Variants in GRIA4 observed in about 807,000 individuals in gnomAD.
The protein encoded by GRIA4 is glutamate receptor 4.
In GRIA4, 34 loss-of-function variants were observed where a neutral mutation model predicts 104.0. The ratio of observed to expected loss-of-function variants is 0.33; its 90% CI spans 0.25 to 0.44. The LOEUF is 0.44. GRIA4 is among the 20% of genes least tolerant of loss of function. GRIA4 has a pLI of 1.00. For synonymous variants in GRIA4, 386 were observed against 381.9 expected (o/e 1.01, Z -0.13); for missense variants, 750 against 1,096.5 (o/e 0.68, Z 4.46).
chr11:105,629,228 G>C (rs1950968751), intron 3 of GRIA4, among the ~76,000 whole-genome samples: 1 of 151,278 alleles, frequency 6.6e-6, no homozygotes, highest in Non-Finnish European at 1.5e-5. Flanking sequence ...GTAAGACACT[G>C]TCTCTAAGAA....
chr11:105,851,729 T>A (rs1433583620), intron 4 of GRIA4, among the ~76,000 whole-genome samples: 1 of 152,168 alleles, frequency 6.6e-6, no homozygotes, highest in African/African-American at 2.4e-5. Flanking sequence ...GGCGCATACC[T>A]AAGAGACACA....
chr11:105,789,580 T>C (rs1942126573), intron 4 of GRIA4, among the ~76,000 whole-genome samples: 1 of 152,144 alleles, frequency 6.6e-6, no homozygotes, highest in African/African-American at 2.4e-5. Flanking sequence ...TGAAGGGCCT[T>C]TAATTAAAGT....
chr11:105,625,179 G>C (rs952644046), intron 3 of GRIA4, among the ~76,000 whole-genome samples: 1 of 152,024 alleles, frequency 6.6e-6, no homozygotes, highest in Non-Finnish European at 1.5e-5. Flanking sequence ...TGTCAACACT[G>C]TTAGACTGTG....
chr11:105,924,520 A>G lies in GRIA4; in HGVS notation c.1598A>G (p.Lys533Arg). ...SIMIKKPQKS[K>R]PGVFSFLDPL... ...ATGATCAAAAAGCCTCAGAAATCCA[A>G]ACCAGGAGTGTTTTCCTTCTTGGAT... The change falls in exon 12 of 17, where the codon AAA becomes AGA. Residue 533 changes from lysine (K) to arginine (R), a missense_variant. By Grantham distance (26) the Lys-to-Arg change is conservative (BLOSUM62 2). Coordinates refer to ENST00000282499, the MANE Select transcript of GRIA4 (RefSeq NM_000829.4). The G allele has an allele frequency of 6.2e-7, 1 of 1,613,346 alleles. No individual in the cohort carries two copies. The highest frequency in any genetic ancestry group is 8.5e-7 in the Non-Finnish European group (1 of 1,179,470).
At chr11:105,776,970 C>G (rs192300428) in intron 4 of GRIA4, among the ~76,000 whole-genome samples, 6 of 152,132 alleles carry the variant, frequency 3.9e-5, no homozygotes, top group Non-Finnish European at 4.4e-5. Context: ...TTCCCTTGGC[C>G]CTGCATGCAC....
chr11:105,717,479 T>C (rs1188323608), intron 3 of GRIA4, among the ~76,000 whole-genome samples: 1 of 152,122 alleles, frequency 6.6e-6, no homozygotes, highest in African/African-American at 2.4e-5. Context: ...TGAGACTCTT[T>C]AATTAATCCC....
At chr11:105,904,014 T>G in intron 8 of GRIA4, 33 bp downstream of exon 8, 1 of 1,452,484 alleles carries the variant, frequency 6.9e-7, no homozygotes. Context: ...TTCAATTCAT[T>G]TCATGGTCTT....
At chr11:105,794,085 T>C (rs1399213488) in intron 4 of GRIA4, among the ~76,000 whole-genome samples, 1 of 152,124 alleles carries the variant, frequency 6.6e-6, no homozygotes, top group East Asian at 1.9e-4. Context: ...CTAGGAGCCA[T>C]AAATGTAGTC....
In GRIA4 at chr11:105,981,592, A is replaced by ACACACACACACAC. The variant is rs765255898; in HGVS notation, c.*1853_*1854insCACACACACACAC. On this transcript the variant is annotated 3_prime_UTR_variant, in exon 17 of 17. Coordinates refer to ENST00000282499, the MANE Select transcript of GRIA4 (RefSeq NM_000829.4). ...ACACACACACACACACACACACACA[A>ACACACACACACAC]GTCCCTCAGGAAAAATTCCAAGCTC... 243 of 46,162 alleles carry ACACACACACACAC rather than the reference A, an allele frequency of 5.3e-3. 2 individuals carry two copies. The highest frequency in any genetic ancestry group is 0.016 in the African/African-American group (223 of 14,246). The allele number at this position is 46,162 out of a possible 1,614,324, so 2.9% of individuals were successfully genotyped here.
chr11:105,794,504 T>TATATATAC (rs1942388988), intron 4 of GRIA4, among the ~76,000 whole-genome samples: 2 of 122,202 alleles, frequency 1.6e-5, no homozygotes, highest in African/African-American at 6.6e-5. Flanking sequence ...TATATATATA[T>TATATATAC]ATATATATAC....
chr11:105,872,171 T>C (rs1047108255), intron 5 of GRIA4, among the ~76,000 whole-genome samples: 3 of 152,128 alleles, frequency 2.0e-5, no homozygotes, highest in African/African-American at 4.8e-5. Flanking sequence ...TTTAACCTAG[T>C]GTTCTTTGTA....
chr11:105,644,426 T>C (rs1354890454), intron 3 of GRIA4, among the ~76,000 whole-genome samples: 1 of 136,548 alleles, frequency 7.3e-6, no homozygotes, highest in Non-Finnish European at 1.6e-5. Context: ...ACCCTGTCTC[T>C]ACTAAAGATA....
chr11:105,966,403 G>GT (rs1858370568), intron 14 of GRIA4, among the ~76,000 whole-genome samples: 2 of 151,862 alleles, frequency 1.3e-5, no homozygotes, highest in Admixed American at 6.6e-5. Context: ...GAGCAGGGCG[G>GT]TAAGCCTGTC....
At chr11:105,934,286 C>G (rs983122415) in intron 14 of GRIA4, among the ~76,000 whole-genome samples, 1 of 152,114 alleles carries the variant, frequency 6.6e-6, no homozygotes, top group Non-Finnish European at 1.5e-5. Flanking sequence ...CCACCAATAT[C>G]TACACTACCA....
chr11:105,940,996 A>C (rs1239970806), intron 14 of GRIA4, among the ~76,000 whole-genome samples: 2 of 152,202 alleles, frequency 1.3e-5, no homozygotes, highest in Non-Finnish European at 2.9e-5. Context: ...CTCTGTTTTC[A>C]AAATGAAATA....
intron 3 of GRIA4, among the ~76,000 whole-genome samples, chr11:105,627,621 G>A (rs1387990205): frequency 6.6e-6 from 1 of 152,116 alleles, no homozygotes; most frequent in Non-Finnish European, 1.5e-5. Context: ...ATTTTGGTAT[G>A]TAATTCTGCT....
At chr11:105,661,593 A>G (rs1952011336) in intron 3 of GRIA4, among the ~76,000 whole-genome samples, 1 of 151,768 alleles carries the variant, frequency 6.6e-6, no homozygotes. Flanking sequence ...ATACCTTTAA[A>G]GAAATTCATG....
intron 4 of GRIA4, among the ~76,000 whole-genome samples, chr11:105,793,597 A>T (rs1039532164): frequency 6.6e-6 from 1 of 152,180 alleles, no homozygotes; most frequent in South Asian, 2.1e-4. Flanking sequence ...AAAGCCTCCC[A>T]TGAAGCTGTT....
At chr11:105,745,055 A>C (rs369159615) in intron 3 of GRIA4, among the ~76,000 whole-genome samples, 1 of 152,198 alleles carries the variant, frequency 6.6e-6, no homozygotes, top group Admixed American at 6.5e-5. Flanking sequence ...AGTGGACTAA[A>C]TAAGAAGAAA....
Sources: allele counts gnomAD v4.1 joint callset (sites outside exome capture counted in the v4.1 genomes callset), GRCh38; gene constraint gnomAD v4.1.1; transcripts MANE v1.5; gene names NCBI Gene and HGNC (gene_info 2026-07-23, HGNC 2026-07-21).